The following MACROD2 variants were observed in gnomAD, a reference collection of about 807,000 sequenced individuals.
MACROD2 encodes the protein ADP-ribose glycohydrolase MACROD2.
In MACROD2, 36 loss-of-function variants were observed where a neutral mutation model predicts 70.4. That is an observed-to-expected ratio of 0.51 (90% confidence interval 0.39 to 0.68). MACROD2 has a LOEUF of 0.68. Ranked by LOEUF, MACROD2 falls within the 30% of genes least tolerant of loss-of-function variation. MACROD2 has a pLI of 0.00. For missense variants in MACROD2, 496 were observed against 538.4 expected (o/e 0.92, Z 0.78); for synonymous variants, 172 against 178.8 (o/e 0.96, Z 0.30).
rs371640948 is a variant in MACROD2 at position 14,485,190 on chromosome 20, A to T, written c.272-8289A>T. ...CAGACACACACACACAAACACACAA[A>T]TTTTTACTAGAACATTATCTCTAAC... On this transcript the variant is annotated intron_variant, in intron 3 of 17. Transcript: ENST00000684519. Among the ~76,000 whole-genome samples, 280 of 152,234 alleles carry T rather than the reference A, an allele frequency of 1.8e-3. 3 individuals carry two copies. The highest frequency in any genetic ancestry group is 6.3e-3 in the African/African-American group (263 of 41,540).
intron 4 of MACROD2, among the ~76,000 whole-genome samples, chr20:14,578,341 C>T (rs1032978403): frequency 7.3e-5 from 11 of 151,706 alleles, no homozygotes; most frequent in Non-Finnish European, 1.0e-4. Flanking sequence ...TTATTACAGG[C>T]GATATACTTT....
At chr20:14,228,407 G>A (rs1376891985) in intron 3 of MACROD2, among the ~76,000 whole-genome samples, 2 of 149,560 alleles carry the variant, frequency 1.3e-5, no homozygotes, top group Non-Finnish European at 3.0e-5. Context: ...GCGTGATCTC[G>A]GCTCACTGCA....
intron 12 of MACROD2, among the ~76,000 whole-genome samples, chr20:15,940,606 G>A (rs2065737823): frequency 6.6e-6 from 1 of 152,316 alleles, no homozygotes; most frequent in South Asian, 2.1e-4. Context: ...TATCAACATT[G>A]AGGCAAGACC....
chr20:16,052,665 T>C lies in MACROD2; in HGVS notation c.*2789T>C, dbSNP rs985348281. 3.3e-5 allele frequency: 5 copies of C among 152,680 alleles called. No individual in the cohort carries two copies. Among genetic ancestry groups the C allele is most frequent in the Non-Finnish European group, 7.3e-5 (5 of 68,042 alleles). The allele number at this position is 152,680 out of a possible 1,614,324, so 9.5% of individuals were successfully genotyped here. On this transcript the variant is annotated 3_prime_UTR_variant, in exon 18 of 18. Transcript: ENST00000684519. ...ACTGTCTGTGATACTGGGTCACATA[T>C]TAATCACTGCAGCTAATTGTAAATC...
chr20:14,147,546 G>T (rs543655759), intron 3 of MACROD2, among the ~76,000 whole-genome samples: 1 of 152,300 alleles, frequency 6.6e-6, no homozygotes, highest in African/African-American at 2.4e-5. Flanking sequence ...ATACAAAGAT[G>T]ATAAGATATT....
intron 4 of MACROD2, among the ~76,000 whole-genome samples, chr20:14,640,127 A>G (rs1203503691): frequency 1.3e-5 from 2 of 152,204 alleles, no homozygotes; most frequent in Non-Finnish European, 2.9e-5. Context: ...ATGGAAATAT[A>G]CTGATCACGA....
intron 4 of MACROD2, among the ~76,000 whole-genome samples, chr20:14,622,084 G>A (rs557591637): frequency 1.5e-3 from 223 of 152,152 alleles, no homozygotes; most frequent in African/African-American, 5.1e-3. Flanking sequence ...TAATTAAATT[G>A]TATTACATTA....
intron 5 of MACROD2, among the ~76,000 whole-genome samples, chr20:15,214,314 G>A (rs2076790199): frequency 6.6e-6 from 1 of 152,098 alleles, no homozygotes; most frequent in South Asian, 2.1e-4. Flanking sequence ...AGAACTAAGT[G>A]AGGACTCCAA....
At chr20:14,230,633 A>T (rs1325445238) in intron 3 of MACROD2, among the ~76,000 whole-genome samples, 2 of 2,478 alleles carry the variant, frequency 8.1e-4, no homozygotes, top group African/African-American at 1.5e-3. Flanking sequence ...ATTCATGTTT[A>T]TATATATATA....
chr20:14,012,434 A>G (rs1448529340), intron 2 of MACROD2, among the ~76,000 whole-genome samples: 1 of 152,180 alleles, frequency 6.6e-6, no homozygotes, highest in Non-Finnish European at 1.5e-5. Flanking sequence ...TATGAGATTA[A>G]AAGATATTAT....
intron 5 of MACROD2, among the ~76,000 whole-genome samples, chr20:15,025,915 G>GA (rs1282269438): frequency 1.3e-5 from 2 of 152,200 alleles, no homozygotes; most frequent in Non-Finnish European, 2.9e-5. Context: ...CAGAAAAAGG[G>GA]AAAGCCTGGA....
chr20:15,283,149 T>G lies in MACROD2; in HGVS notation c.540+53088T>G, dbSNP rs534666670. On this transcript the variant is annotated intron_variant, in intron 6 of 17. Transcript: ENST00000684519. ...CCAACTACCTCCCCTTGGTACTGCT[T>G]TTGACACATTGGGATTATGGGGATT... is the stretch of plus-strand genomic sequence containing the variant. 2.0e-5 allele frequency among the ~76,000 whole-genome samples: 3 copies of G among 152,262 alleles called. No individual in the cohort carries two copies. The South Asian group carries it at 6.2e-4, about 32-fold the overall frequency.
chr20:14,589,954 G>A (rs1981650854), intron 4 of MACROD2, among the ~76,000 whole-genome samples: 1 of 152,116 alleles, frequency 6.6e-6, no homozygotes, highest in Non-Finnish European at 1.5e-5. Context: ...AGCTGCTTTT[G>A]ATATGTTGGT....
intron 4 of MACROD2, 163 bp downstream of exon 4, chr20:14,493,671 G>A (rs2084819463): frequency 1.8e-6 from 1 of 561,674 alleles, no homozygotes; most frequent in Non-Finnish European, 3.2e-6. Context: ...TAAATACCTT[G>A]GTTTGCTTAA....
intron 3 of MACROD2, among the ~76,000 whole-genome samples, chr20:14,201,754 G>C (rs184741559): frequency 7.9e-5 from 12 of 151,780 alleles, no homozygotes; most frequent in Non-Finnish European, 1.5e-4. Context: ...GCAGAGAATT[G>C]CTTGAGCCCA....
chr20:14,946,286 C>G (rs926812106), intron 5 of MACROD2, among the ~76,000 whole-genome samples: 1 of 151,940 alleles, frequency 6.6e-6, no homozygotes, highest in Non-Finnish European at 1.5e-5. Flanking sequence ...AGCAAATTCT[C>G]AAAGTATGTT....
chr20:15,483,162 C>G (rs1386993193), intron 7 of MACROD2, among the ~76,000 whole-genome samples: 1 of 152,038 alleles, frequency 6.6e-6, no homozygotes, highest in Non-Finnish European at 1.5e-5. Flanking sequence ...AGGTTTTATC[C>G]TGTTATCCCC....
intron 6 of MACROD2, among the ~76,000 whole-genome samples, chr20:15,341,395 G>C (rs1215792438): frequency 6.6e-6 from 1 of 152,060 alleles, no homozygotes; most frequent in African/African-American, 2.4e-5. Flanking sequence ...GCCTAGATAT[G>C]GCATTGTTTT....
At chr20:14,675,223 G>A (rs1024439508) in intron 4 of MACROD2, among the ~76,000 whole-genome samples, 3 of 152,124 alleles carry the variant, frequency 2.0e-5, no homozygotes. Flanking sequence ...GATACTCCTT[G>A]AGAAGAGCAA....
Sources: gnomAD v4.1 joint callset for allele counts (sites outside exome capture counted in the v4.1 genomes callset) on GRCh38, gnomAD v4.1.1 for gene constraint, MANE v1.5 for transcripts, NCBI Gene and HGNC (gene_info 2026-07-23, HGNC 2026-07-21) for gene names.